NKAIN3: variants seen among roughly 807,000 people sequenced by gnomAD.
NKAIN3 encodes the protein sodium/potassium-transporting ATPase subunit beta-1-interacting protein 3.
Under a neutral mutation model 30.2 loss-of-function variants are expected in NKAIN3, and 25 were observed. The observed-to-expected ratio is 0.83, with a 90% CI of 0.60 to 1.16. The LOEUF (loss-of-function observed/expected upper bound fraction) is 1.16. Among genes scored for constraint, NKAIN3 ranks in the 50% most tolerant of loss-of-function variants. NKAIN3 has a pLI of 0.00. For synonymous variants in NKAIN3, 91 were observed against 89.6 expected (o/e 1.02, Z -0.09); for missense variants, 225 against 254.1 (o/e 0.89, Z 0.78).
intron 3 of NKAIN3, among the ~76,000 whole-genome samples, chr8:62,674,532 G>T (rs1813411547): frequency 6.6e-6 from 1 of 152,188 alleles, no homozygotes; most frequent in Non-Finnish European, 1.5e-5. Flanking sequence ...GGGGGCGAGA[G>T]AATGGTATCA....
intron 5 of NKAIN3, among the ~76,000 whole-genome samples, chr8:62,937,646 T>C (rs969719196): frequency 6.6e-6 from 1 of 151,938 alleles, no homozygotes; most frequent in African/African-American, 2.4e-5. Context: ...CTACTAAACT[T>C]TGTAATAATT....
intron 1 of NKAIN3, among the ~76,000 whole-genome samples, chr8:62,506,588 C>T (rs1807651931): frequency 6.7e-6 from 1 of 148,216 alleles, no homozygotes; most frequent in Non-Finnish European, 1.5e-5. Flanking sequence ...TATTCTTTTG[C>T]CTCAGCCTCC....
intron 4 of NKAIN3, among the ~76,000 whole-genome samples, chr8:62,788,301 T>C (rs1817587612): frequency 6.6e-6 from 1 of 152,228 alleles, no homozygotes; most frequent in African/African-American, 2.4e-5. Context: ...ATGATGAGCA[T>C]TTTTTCATGT....
Position 62,967,465 on chromosome 8 carries a change from T to C in NKAIN3, c.*2058T>C, listed in dbSNP as rs1181331948. 6.6e-6 allele frequency among the ~76,000 whole-genome samples: 1 copy of C among 152,168 alleles called. No homozygotes were observed. The highest frequency in any genetic ancestry group is 1.5e-5 in the Non-Finnish European group (1 of 68,030). On this transcript the variant is annotated 3_prime_UTR_variant, in exon 7 of 7. Coordinates refer to ENST00000623646, the MANE Select transcript of NKAIN3 (RefSeq NM_001304533.3). ...AATTAAAGGAGGTGATTATTATTAA[T>C]AATGTCAAAACACTCCTCTGTACCC...
intron 1 of NKAIN3, among the ~76,000 whole-genome samples, chr8:62,528,140 G>A (rs1808366177): frequency 6.6e-6 from 1 of 150,408 alleles, no homozygotes; most frequent in African/African-American, 2.4e-5. Context: ...CAGCATGGGT[G>A]GCCCCCAATT....
intron 1 of NKAIN3, among the ~76,000 whole-genome samples, chr8:62,301,767 C>T (rs1047560233): frequency 1.3e-5 from 2 of 151,922 alleles, no homozygotes; most frequent in Non-Finnish European, 1.5e-5. Context: ...TTGTATAATT[C>T]TAAATATAAT....
At chr8:62,305,409 A>G (rs1390450131) in intron 1 of NKAIN3, among the ~76,000 whole-genome samples, 1 of 150,586 alleles carries the variant, frequency 6.6e-6, no homozygotes, top group Non-Finnish European at 1.5e-5. Flanking sequence ...AAAAATTGCA[A>G]CAACCTTAAC....
intron 1 of NKAIN3, among the ~76,000 whole-genome samples, chr8:62,378,940 C>A (rs1372243116): frequency 6.6e-6 from 1 of 152,138 alleles, no homozygotes; most frequent in Admixed American, 6.5e-5. Flanking sequence ...CAGTTTGCAC[C>A]TTGTGCCTGG....
At chr8:62,799,714 T>C (rs1281998191) in intron 4 of NKAIN3, among the ~76,000 whole-genome samples, 1 of 152,192 alleles carries the variant, frequency 6.6e-6, no homozygotes, top group Admixed American at 6.5e-5. Flanking sequence ...CAGAGAAAAG[T>C]AAGTCATTAT....
chr8:62,578,008 A>G (rs1427745370), intron 1 of NKAIN3, among the ~76,000 whole-genome samples: 1 of 152,106 alleles, frequency 6.6e-6, no homozygotes, highest in Admixed American at 6.6e-5. Flanking sequence ...CACCTGCCAC[A>G]TAACTAGAAA....
chr8:62,615,209 G>A (rs1035293603), intron 3 of NKAIN3, among the ~76,000 whole-genome samples: 2 of 152,132 alleles, frequency 1.3e-5, no homozygotes, highest in Non-Finnish European at 2.9e-5. Context: ...TCTTCAGTTA[G>A]CAGGTGGTGA....
At chr8:62,736,254 T>C (rs1468690441) in intron 3 of NKAIN3, among the ~76,000 whole-genome samples, 1 of 152,092 alleles carries the variant, frequency 6.6e-6, no homozygotes, top group African/African-American at 2.4e-5. Flanking sequence ...GAGGATTACG[T>C]CCTTTGTCTT....
At chr8:62,410,561 C>T (rs1804206825) in intron 1 of NKAIN3, among the ~76,000 whole-genome samples, 1 of 151,386 alleles carries the variant, frequency 6.6e-6, no homozygotes, top group Non-Finnish European at 1.5e-5. Context: ...TCAGTGAAAC[C>T]AAGAATTGGT....
intron 3 of NKAIN3, among the ~76,000 whole-genome samples, chr8:62,630,011 A>T (rs1279888150): frequency 6.6e-6 from 1 of 152,158 alleles, no homozygotes; most frequent in African/African-American, 2.4e-5. Flanking sequence ...AATAAGTATA[A>T]TAAAATATGG....
chr8:62,349,543 A>G (rs1816117568), intron 1 of NKAIN3, among the ~76,000 whole-genome samples: 1 of 152,198 alleles, frequency 6.6e-6, no homozygotes, highest in African/African-American at 2.4e-5. Context: ...AAACTTTAGG[A>G]AAAGTGTAAT....
intron 3 of NKAIN3, among the ~76,000 whole-genome samples, chr8:62,636,292 G>C (rs374890455): frequency 2.0e-5 from 3 of 152,050 alleles, no homozygotes; most frequent in African/African-American, 7.2e-5. Flanking sequence ...TAAATGAAGG[G>C]ACATACTCAT....
chr8:62,961,890 T>C lies in NKAIN3; in HGVS notation c.604-3464T>C, dbSNP rs576140190. Among the ~76,000 whole-genome samples, 595 of 152,288 alleles carry C rather than the reference T, an allele frequency of 3.9e-3. 3 individuals carry two copies. Among genetic ancestry groups the C allele is most frequent in the African/African-American group, 0.014 (565 of 41,568 alleles). ...AAAGAAATTTCATTATAAATTACAT[T>C]ATCGATGCTTACAAATATTGATATC... On this transcript the variant is annotated intron_variant, in intron 6 of 6. Transcript: ENST00000623646.
intron 1 of NKAIN3, among the ~76,000 whole-genome samples, chr8:62,559,510 C>G (rs1228029504): frequency 6.6e-6 from 1 of 151,742 alleles, no homozygotes; most frequent in African/African-American, 2.4e-5. Flanking sequence ...CCCTGCCTTC[C>G]TTTAGGTTAC....
At chr8:62,767,552 T>C (rs1429766366) in intron 4 of NKAIN3, among the ~76,000 whole-genome samples, 9 of 152,174 alleles carry the variant, frequency 5.9e-5, no homozygotes, top group Non-Finnish European at 2.9e-5. Context: ...TTTTTTTTCT[T>C]AAATCAGTTT....
Sources: allele counts gnomAD v4.1 joint callset (sites outside exome capture counted in the v4.1 genomes callset), GRCh38; gene constraint gnomAD v4.1.1; transcripts MANE v1.5; gene names NCBI Gene and HGNC (gene_info 2026-07-23, HGNC 2026-07-21).